DPP6: variants seen among roughly 807,000 people sequenced by gnomAD.
DPP6 encodes dipeptidyl peptidase like 6.
Under a neutral mutation model 122.6 loss-of-function variants are expected in DPP6, and 69 were observed. The ratio of observed to expected loss-of-function variants is 0.56; its 90% CI spans 0.46 to 0.69. DPP6 has a LOEUF of 0.69. DPP6 is among the 30% of genes least tolerant of loss of function. The pLI is 0.00. For missense variants in DPP6, 928 were observed against 1,116.9 expected, an observed-to-expected ratio of 0.83 and a Z score of 2.41; for synonymous variants, 418 against 433.1, an observed-to-expected ratio of 0.97 and a Z score of 0.43.
In DPP6 at chr7:154,273,711, A is replaced by G. The variant is rs555415955; in HGVS notation, c.244-172503A>G. On this transcript the variant is annotated intron_variant, in intron 1 of 25. Coordinates refer to ENST00000377770, the MANE Select transcript of DPP6 (RefSeq NM_130797.4). Reference sequence around the variant, plus strand: ...CTGCATTGGTTGTTTCTTTAAGTGTAAAGAGATCAGAAAAAAAGGGTTTAT... The same window carrying G: ...CTGCATTGGTTGTTTCTTTAAGTGTGAAGAGATCAGAAAAAAAGGGTTTAT... Among the ~76,000 whole-genome samples, 10 of 152,318 alleles carry G rather than the reference A, an allele frequency of 6.6e-5. No homozygotes were observed. The East Asian group carries it at 1.7e-3, about 26-fold the overall frequency.
At chr7:154,456,079 C>T (rs1158109189) in intron 2 of DPP6, among the ~76,000 whole-genome samples, 1 of 152,158 alleles carries the variant, frequency 6.6e-6, no homozygotes, top group East Asian at 1.9e-4. Context: ...CATACCATGT[C>T]AGGGTCAGGA....
intron 1 of DPP6, among the ~76,000 whole-genome samples, chr7:154,167,543 C>T (rs548556067): frequency 3.3e-5 from 5 of 152,204 alleles, no homozygotes; most frequent in African/African-American, 1.2e-4. Flanking sequence ...AGATTTGAGG[C>T]GCTAAACTCT....
At chr7:154,435,948 A>G (rs896521478) in intron 1 of DPP6, among the ~76,000 whole-genome samples, 3 of 152,142 alleles carry the variant, frequency 2.0e-5, no homozygotes, top group African/African-American at 7.2e-5. Context: ...AGCTGTGTGA[A>G]TATCTTACTT....
At chr7:154,184,918 G>A (rs1021719764) in intron 1 of DPP6, among the ~76,000 whole-genome samples, 4 of 152,168 alleles carry the variant, frequency 2.6e-5, no homozygotes, top group Non-Finnish European at 4.4e-5. Flanking sequence ...GCCACGGTGC[G>A]ATGGTTAGCC....
chr7:154,153,848 G>C (rs1490838664), intron 1 of DPP6, among the ~76,000 whole-genome samples: 1 of 152,114 alleles, frequency 6.6e-6, no homozygotes, highest in Non-Finnish European at 1.5e-5. Flanking sequence ...ATAGTTTGCT[G>C]ACTGCCGCCA....
chr7:154,727,973 GACTTTA>G (rs2131366458), intron 8 of DPP6, 86 bp downstream of exon 8: 1 of 1,498,000 alleles, frequency 6.7e-7, no homozygotes, highest in East Asian at 2.3e-5. Context: ...ATTTTTCTTT[GACTTTA>G]ACTGTAAATT....
intron 1 of DPP6, among the ~76,000 whole-genome samples, chr7:154,425,715 T>C (rs1817861966): frequency 6.6e-6 from 1 of 151,580 alleles, no homozygotes; most frequent in Admixed American, 6.6e-5. Flanking sequence ...TGATCATAGC[T>C]CACTGCAGCC....
chr7:153,799,294 T>A, the DPP6 span, among the ~76,000 whole-genome samples: 2 of 152,278 alleles, frequency 1.3e-5, no homozygotes, highest in South Asian at 2.1e-4. Flanking sequence ...ATATATATAT[T>A]TTTTATGGAA....
intron 1 of DPP6, among the ~76,000 whole-genome samples, chr7:154,031,470 T>C (rs1447831876): frequency 1.3e-5 from 2 of 151,950 alleles, no homozygotes; most frequent in African/African-American, 4.9e-5. Flanking sequence ...TACACAGTAG[T>C]TTTGGCATTA....
intron 3 of DPP6, among the ~76,000 whole-genome samples, chr7:154,506,636 A>G (rs917043636): frequency 5.9e-5 from 9 of 152,188 alleles, no homozygotes; most frequent in Non-Finnish European, 1.2e-4. Context: ...AACCAATTTT[A>G]AAGCAACTTC....
chr7:153,873,720 T>G, the DPP6 span, among the ~76,000 whole-genome samples: 1 of 152,164 alleles, frequency 6.6e-6, no homozygotes, highest in African/African-American at 2.4e-5. Flanking sequence ...AATGGAAGAC[T>G]GCTGTTACAG....
intron 16 of DPP6, among the ~76,000 whole-genome samples, chr7:154,853,380 G>C (rs1423790765): frequency 1.3e-5 from 2 of 152,214 alleles, no homozygotes; most frequent in Non-Finnish European, 2.9e-5. Context: ...ATCCTTCCTG[G>C]AGGAGCCAGC....
At chr7:153,808,888 T>C in the DPP6 span, among the ~76,000 whole-genome samples, 1 of 152,084 alleles carries the variant, frequency 6.6e-6, no homozygotes, top group Admixed American at 6.5e-5. Flanking sequence ...GATTTCATTT[T>C]ATTTTTTAAC....
intron 6 of DPP6, among the ~76,000 whole-genome samples, chr7:154,660,658 G>C (rs1418628066): frequency 7.7e-6 from 1 of 130,146 alleles, no homozygotes; most frequent in Admixed American, 7.3e-5. Flanking sequence ...TCACCATGGC[G>C]TATTGGCCGT....
chr7:153,762,141 G>A, the DPP6 span, among the ~76,000 whole-genome samples: 4 of 152,112 alleles, frequency 2.6e-5, no homozygotes, highest in African/African-American at 9.6e-5. Context: ...GGCCCTATAG[G>A]GTTTTAATAG....
At chr7:154,880,302 G>T (rs1170021465) in intron 20 of DPP6, among the ~76,000 whole-genome samples, 1 of 152,242 alleles carries the variant, frequency 6.6e-6, no homozygotes, top group Non-Finnish European at 1.5e-5. Context: ...GAGGCCCAGA[G>T]CACCAAGCGG....
Position 154,282,334 on chromosome 7 carries a change from C to T in DPP6, c.244-163880C>T, listed in dbSNP as rs901259731. On this transcript the variant is annotated intron_variant, in intron 1 of 25. Coordinates refer to ENST00000377770, the MANE Select transcript of DPP6 (RefSeq NM_130797.4). This position sits in a 1 kb window ranked among gnomAD's most constrained non-coding sequence, Gnocchi z 4.8. Reference sequence around the variant, plus strand: ...GCTTCTCAGGTGGCCTCTGGATACACGTGTCCTTTGTGGCCTACAGAAGAC... The same window carrying T: ...GCTTCTCAGGTGGCCTCTGGATACATGTGTCCTTTGTGGCCTACAGAAGAC... 2.0e-5 allele frequency among the ~76,000 whole-genome samples: 3 copies of T among 152,164 alleles called. No individual in the cohort carries two copies. The highest frequency in any genetic ancestry group is 4.4e-5 in the Non-Finnish European group (3 of 68,028).
intron 1 of DPP6, among the ~76,000 whole-genome samples, chr7:154,203,066 G>T (rs1799254798): frequency 6.6e-6 from 1 of 152,144 alleles, no homozygotes; most frequent in Admixed American, 6.5e-5. Flanking sequence ...TGGTGACCTT[G>T]AATAAATTAC....
intron 1 of DPP6, among the ~76,000 whole-genome samples, chr7:153,915,585 C>T (rs1439185778): frequency 6.6e-6 from 1 of 152,162 alleles, no homozygotes; most frequent in Non-Finnish European, 1.5e-5. Context: ...GACGAGATAG[C>T]TCTGGAGGCC....
Sources: allele counts gnomAD v4.1 joint callset (sites outside exome capture counted in the v4.1 genomes callset), GRCh38; gene constraint gnomAD v4.1.1; non-coding constraint Gnocchi (gnomAD v3.1); transcripts MANE v1.5; gene names NCBI Gene and HGNC (gene_info 2026-07-23, HGNC 2026-07-21).